The following ADAMTS18 variants were observed in gnomAD, a reference collection of about 807,000 sequenced individuals.
ADAMTS18 encodes ADAM metallopeptidase with thrombospondin type 1 motif 18.
A neutral mutation model predicts 165.9 loss-of-function variants in ADAMTS18; 157 were observed. The observed-to-expected ratio is 0.95, with a 90% CI of 0.83 to 1.08. ADAMTS18 has a LOEUF of 1.08. Ranked by LOEUF, ADAMTS18 falls within the 50% of genes least tolerant of loss-of-function variation. ADAMTS18 has a pLI of 0.00. For synonymous variants in ADAMTS18, 782 were observed against 578.2 expected (o/e 1.35, Z -5.06); for missense variants, 2,040 against 1,534.0 (o/e 1.33, Z -5.51).
intron 7 of ADAMTS18, among the ~76,000 whole-genome samples, chr16:77,360,458 T>C (rs2056696085): frequency 6.6e-6 from 1 of 152,160 alleles, no homozygotes; most frequent in African/African-American, 2.4e-5. Flanking sequence ...ACACACTGCT[T>C]AAAGTAAGTG....
intron 3 of ADAMTS18, among the ~76,000 whole-genome samples, chr16:77,391,222 G>T (rs1230529872): frequency 6.6e-6 from 1 of 152,046 alleles, no homozygotes; most frequent in Non-Finnish European, 1.5e-5. Context: ...TAAAAGACAG[G>T]CCAGGCATGA....
At chr16:77,323,439 T>G (rs1304847095) in intron 13 of ADAMTS18, among the ~76,000 whole-genome samples, 1 of 152,208 alleles carries the variant, frequency 6.6e-6, no homozygotes, top group Admixed American at 6.5e-5. Flanking sequence ...CTATAATTTT[T>G]TTTAATAGCA....
chr16:77,424,678 G>A (rs1202748556), intron 3 of ADAMTS18, among the ~76,000 whole-genome samples: 3 of 152,082 alleles, frequency 2.0e-5, no homozygotes, highest in Non-Finnish European at 4.4e-5. Context: ...GTCTGAAGAG[G>A]AGAGAAGCCA....
At chr16:77,297,754 T>C (rs2055501750) in intron 17 of ADAMTS18, among the ~76,000 whole-genome samples, 1 of 152,066 alleles carries the variant, frequency 6.6e-6, no homozygotes, top group South Asian at 2.1e-4. Context: ...ATCAGATTAA[T>C]GTTCTTCAAA....
rs1209010450 is a variant in ADAMTS18, at chr16:77,289,393, C to T, written c.3421G>A (p.Gly1141Arg). ...TGGACTGACCGGGTCTGGACCCCTCCCCCACAGGTGACTGTGCACTGCAGC... is the reference window on the plus strand; with the variant it reads ...TGGACTGACCGGGTCTGGACCCCTCTCCCACAGGTGACTGTGCACTGCAGC... ...PWQQCTVTCG[G>R]GVQTRSVHCV... is the part of the protein sequence containing the mutation. Residue 1141 changes from glycine (G) to arginine (R), a missense_variant, in exon 22 of 23, where the codon GGA becomes AGA. Gly to Arg is a moderately radical substitution (Grantham distance 125, BLOSUM62 -2). Coordinates refer to ENST00000282849, the MANE Select transcript of ADAMTS18 (RefSeq NM_199355.4). 4.3e-6 allele frequency: 7 copies of T among 1,613,918 alleles called. No individual in the cohort carries two copies. In the Admixed American group the frequency reaches 1.0e-4, roughly 23 times the overall value.
At chr16:77,401,806 CT>C (rs2057335423) in intron 3 of ADAMTS18, among the ~76,000 whole-genome samples, 2 of 152,198 alleles carry the variant, frequency 1.3e-5, no homozygotes, top group African/African-American at 4.8e-5. Context: ...AATTTGATCT[CT>C]CTCTCGCTCT....
intron 3 of ADAMTS18, among the ~76,000 whole-genome samples, chr16:77,418,425 T>G (rs2057557833): frequency 6.6e-6 from 1 of 152,178 alleles, no homozygotes; most frequent in South Asian, 2.1e-4. Flanking sequence ...CATTTTTAGC[T>G]GACATAACTG....
At chr16:77,326,257 GTTCTT>G (rs1015312536) in intron 12 of ADAMTS18, among the ~76,000 whole-genome samples, 18 of 152,192 alleles carry the variant, frequency 1.2e-4, no homozygotes, top group Non-Finnish European at 2.1e-4. Flanking sequence ...TTTTTTTCTA[GTTCTT>G]TTCATTACCA....
rs908988779 is a variant in ADAMTS18, at chr16:77,283,221, C to G, written c.*735G>C. The stretch of plus-strand genomic sequence containing the variant: ...ACATGTGAAGGGCATCCATATTTAT[C>G]TTTTCTATGAGTTGTTTCCTTGCAT... On this transcript the variant is annotated 3_prime_UTR_variant, in exon 23 of 23. Transcript: ENST00000282849. The G allele has an allele frequency of 2.6e-5, 4 of 152,552 alleles. No homozygotes were observed. Among genetic ancestry groups the G allele is most frequent in the Admixed American group, 6.6e-5 (1 of 15,258 alleles). The allele number at this position is 152,552 out of a possible 1,614,324, so 9.4% of individuals were successfully genotyped here.
intron 3 of ADAMTS18, among the ~76,000 whole-genome samples, chr16:77,378,278 T>G (rs573447581): frequency 2.0e-5 from 3 of 151,808 alleles, no homozygotes; most frequent in Admixed American, 6.6e-5. Context: ...TGAGCTGTGA[T>G]TGCACCAATG....
intron 10 of ADAMTS18, 29 bp downstream of exon 10, chr16:77,353,704 T>C (rs763837584): frequency 6.2e-7 from 1 of 1,614,184 alleles, no homozygotes; most frequent in South Asian, 1.1e-5. Flanking sequence ...AGAGTCTTAA[T>C]GTAAGTTTGA....
chr16:77,408,612 T>C (rs886233969), intron 3 of ADAMTS18, among the ~76,000 whole-genome samples: 3 of 152,184 alleles, frequency 2.0e-5, no homozygotes, highest in African/African-American at 7.2e-5. Context: ...ATTAGAGCAC[T>C]CTATTGATTG....
In ADAMTS18 at chr16:77,434,452, A is replaced by G; in HGVS notation, c.144T>C (p.Ser48=). The part of the protein sequence containing the change: ...CCASVAAALA[S]DSSSGASGLN... ...ATCCGCTGGCGCCGCTGCTGCTGTCACTGGCTAAGGCCGCGGCGACCGACG... is the reference window on the plus strand; with the variant it reads ...ATCCGCTGGCGCCGCTGCTGCTGTCGCTGGCTAAGGCCGCGGCGACCGACG... Residue 48 remains serine (S), a synonymous_variant, in exon 2 of 23, where the codon AGT becomes AGC. Coordinates refer to ENST00000282849, the MANE Select transcript of ADAMTS18 (RefSeq NM_199355.4). The G allele has an allele frequency of 6.4e-7, 1 of 1,574,246 alleles. No homozygotes were observed. The highest frequency in any genetic ancestry group is 1.1e-5 in the South Asian group (1 of 86,976).
At chr16:77,420,900 A>G (rs2057593577) in intron 3 of ADAMTS18, among the ~76,000 whole-genome samples, 1 of 152,180 alleles carries the variant, frequency 6.6e-6, no homozygotes, top group Non-Finnish European at 1.5e-5. Flanking sequence ...AAAGGAGATG[A>G]GGAATTGTAA....
chr16:77,372,764 C>T lies in ADAMTS18; in HGVS notation c.496-5041G>A, dbSNP rs113192732. On this transcript the variant is annotated intron_variant, in intron 3 of 22. Transcript: ENST00000282849. ...GAGAAGCCCACCCTTCCAGATCTAGCACACATCATGCTGGTAGATGCTCGC... is the reference window on the plus strand; with the variant it reads ...GAGAAGCCCACCCTTCCAGATCTAGTACACATCATGCTGGTAGATGCTCGC... 1.1e-3 allele frequency among the ~76,000 whole-genome samples: 173 copies of T among 152,274 alleles called. 1 individual carries two copies. Among genetic ancestry groups the T allele is most frequent in the African/African-American group, 3.7e-3 (154 of 41,574 alleles).
intron 11 of ADAMTS18, among the ~76,000 whole-genome samples, chr16:77,336,494 A>C (rs906839235): frequency 2.6e-5 from 4 of 152,156 alleles, no homozygotes; most frequent in Admixed American, 2.6e-4. Context: ...AAGCTGAACA[A>C]CTCAGTCTGT....
intron 10 of ADAMTS18, among the ~76,000 whole-genome samples, chr16:77,342,901 G>T (rs1433112422): frequency 6.6e-6 from 1 of 152,100 alleles, no homozygotes; most frequent in African/African-American, 2.4e-5. Context: ...AAGAGAACCA[G>T]AGAGATGACA....
chr16:77,405,268 A>G (rs1170940104), intron 3 of ADAMTS18, among the ~76,000 whole-genome samples: 1 of 152,212 alleles, frequency 6.6e-6, no homozygotes, highest in East Asian at 1.9e-4. Flanking sequence ...ATCCTGAATG[A>G]AAATCAAACT....
At chr16:77,334,127 A>G (rs574461506) in intron 12 of ADAMTS18, among the ~76,000 whole-genome samples, 4 of 108,678 alleles carry the variant, frequency 3.7e-5, no homozygotes, top group African/African-American at 1.5e-4. Flanking sequence ...TATTATATAT[A>G]ATATATAGTG....
Sources: gnomAD v4.1 joint callset for allele counts (sites outside exome capture counted in the v4.1 genomes callset) on GRCh38, gnomAD v4.1.1 for gene constraint, MANE v1.5 for transcripts, NCBI Gene and HGNC (gene_info 2026-07-23, HGNC 2026-07-21) for gene names.